NLGN4Y: variants seen among roughly 807,000 people sequenced by gnomAD.
NLGN4Y encodes the protein neuroligin 4 Y-linked.
NLGN4Y carries 4 observed loss-of-function variants against 8.4 expected under a neutral mutation model. The ratio of observed to expected loss-of-function variants is 0.48; its 90% CI spans 0.23 to 1.09. NLGN4Y has a LOEUF of 1.09. Ranked by LOEUF, NLGN4Y falls within the 50% of genes least tolerant of loss-of-function variation. The pLI, the probability that NLGN4Y is intolerant of heterozygous loss-of-function variation, is 0.19. For synonymous variants in NLGN4Y, 35 were observed against 75.6 expected (o/e 0.46, Z 2.78); for missense variants, 90 against 192.3 (o/e 0.47, Z 3.15).
chrY:14,737,497 G>A lies in NLGN4Y; in HGVS notation c.685+14228G>A, dbSNP rs2150561387. ...TTGGTGAGAAAAGAAAATGGTTTAG[G>A]GGTACAAAATGCAGTTAGATAGAAG... On this transcript the variant is annotated intron_variant, in intron 4 of 6. Coordinates refer to ENST00000684976, the MANE Select transcript of NLGN4Y (RefSeq NM_001365588.1). Among the ~76,000 whole-genome samples, 14 of 33,013 alleles carry A rather than the reference G, an allele frequency of 4.2e-4. No individual in the cohort carries two copies. In the South Asian group the frequency reaches 9.4e-3, roughly 22 times the overall value. The allele number at this position is 33,013 out of a possible 37,273, so 88.6% of individuals were successfully genotyped here. A position where few individuals can be genotyped will look rare whatever the true frequency, so the allele number is the denominator to read the frequency against.
At chrY:14,561,596 T>C (rs2080227503) in intron 1 of NLGN4Y, among the ~76,000 whole-genome samples, 1 of 33,265 alleles carries the variant, frequency 3.0e-5, no homozygotes, top group Admixed American at 2.8e-4. Context: ...AGTAATGGGA[T>C]TTCTGGGTCA....
At chrY:14,791,233 C>G in intron 4 of NLGN4Y, among the ~76,000 whole-genome samples, 1 of 33,177 alleles carries the variant, frequency 3.0e-5, no homozygotes, top group Non-Finnish European at 7.4e-5. Flanking sequence ...GATCATTGAG[C>G]TGACCCATGA....
chrY:14,640,287 C>A, intron 2 of NLGN4Y: 1 of 127,722 alleles, frequency 7.8e-6, no homozygotes, highest in African/African-American at 1.0e-4. Context: ...GGAGGTGAAA[C>A]TGCTCCCCAG....
chrY:14,575,102 G>A (rs1022485348), intron 1 of NLGN4Y, among the ~76,000 whole-genome samples: 6 of 32,547 alleles, frequency 1.8e-4, no homozygotes, highest in Admixed American at 5.7e-4. Context: ...TCTTTGTGGC[G>A]TTCTCTGTAT....
chrY:14,559,097 A>G (rs2080218511), intron 1 of NLGN4Y, among the ~76,000 whole-genome samples: 4 of 33,367 alleles, frequency 1.2e-4, no homozygotes, highest in Admixed American at 2.7e-4. Context: ...TTATGCAGAT[A>G]AAGTCTCATA....
intron 1 of NLGN4Y, among the ~76,000 whole-genome samples, chrY:14,607,914 C>T: frequency 5.8e-5 from 2 of 34,349 alleles, no homozygotes; most frequent in African/African-American, 2.3e-4. Flanking sequence ...GATTGCCATT[C>T]TAACTGGGGT....
chrY:14,717,017 A>G, intron 2 of NLGN4Y, among the ~76,000 whole-genome samples: 1 of 33,992 alleles, frequency 2.9e-5, no homozygotes, highest in South Asian at 6.6e-4. Context: ...TGGGACGCCA[A>G]AATGAGTGGA....
chrY:14,636,151 C>G, intron 2 of NLGN4Y, among the ~76,000 whole-genome samples: 1 of 33,595 alleles, frequency 3.0e-5, no homozygotes, highest in African/African-American at 1.2e-4. Flanking sequence ...AAAGTACTCA[C>G]TTTAGTATTT....
intron 1 of NLGN4Y, among the ~76,000 whole-genome samples, chrY:14,579,721 C>CAACA (rs2080309696): frequency 3.1e-5 from 1 of 32,232 alleles, no homozygotes; most frequent in East Asian, 8.2e-4. Context: ...CTAAAAACAA[C>CAACA]AACAAACAAA....
At chrY:14,614,214 G>A (rs1016168615) in intron 1 of NLGN4Y, among the ~76,000 whole-genome samples, 1 of 33,868 alleles carries the variant, frequency 3.0e-5, no homozygotes, top group Non-Finnish European at 7.3e-5. Flanking sequence ...TCATGTGCCT[G>A]TTGCTATATA....
intron 1 of NLGN4Y, among the ~76,000 whole-genome samples, chrY:14,569,929 G>C: frequency 3.0e-5 from 1 of 33,757 alleles, no homozygotes; most frequent in African/African-American, 1.2e-4. Flanking sequence ...CTTATATGTT[G>C]AGAAGTATAT....
chrY:14,792,084 C>T, intron 4 of NLGN4Y, among the ~76,000 whole-genome samples: 6 of 33,617 alleles, frequency 1.8e-4, no homozygotes, highest in African/African-American at 5.8e-4. Flanking sequence ...ATATTTCCAG[C>T]CACAAAATTG....
intron 1 of NLGN4Y, among the ~76,000 whole-genome samples, chrY:14,548,519 A>G: frequency 2.9e-5 from 1 of 34,160 alleles, no homozygotes; most frequent in Non-Finnish European, 7.3e-5. Context: ...AAACTTTCTT[A>G]ACCATTCTAA....
At chrY:14,605,014 CA>C (rs2080442321) in intron 1 of NLGN4Y, among the ~76,000 whole-genome samples, 75 of 32,665 alleles carry the variant, frequency 2.3e-3, no homozygotes, top group African/African-American at 8.7e-3. Flanking sequence ...ATAATTTTAA[CA>C]TTTTTTTTTA....
chrY:14,779,512 A>C (rs1603503927), intron 4 of NLGN4Y, among the ~76,000 whole-genome samples: 1 of 33,075 alleles, frequency 3.0e-5, no homozygotes, highest in South Asian at 6.8e-4. Flanking sequence ...AAGCAGAAGA[A>C]GGCATTCAGC....
chrY:14,575,175 GC>G (rs2080292602), intron 1 of NLGN4Y, among the ~76,000 whole-genome samples: 3 of 33,558 alleles, frequency 8.9e-5, no homozygotes, highest in Non-Finnish European at 2.2e-4. Flanking sequence ...ATAATATCCT[GC>G]AGAGTGTTTT....
At chrY:14,643,189 G>T in intron 2 of NLGN4Y, among the ~76,000 whole-genome samples, 1 of 33,372 alleles carries the variant, frequency 3.0e-5, no homozygotes, top group African/African-American at 1.2e-4. Context: ...GGTCCAGTAG[G>T]CTTAAGCTGG....
At chrY:14,616,253 C>G (rs569267016) in intron 1 of NLGN4Y, among the ~76,000 whole-genome samples, 1 of 33,769 alleles carries the variant, frequency 3.0e-5, no homozygotes, top group African/African-American at 1.1e-4. Context: ...ACAGTATTCT[C>G]TGATGGTAGT....
chrY:14,702,452 G>C, intron 2 of NLGN4Y, among the ~76,000 whole-genome samples: 1 of 31,928 alleles, frequency 3.1e-5, no homozygotes. Flanking sequence ...TGAGAATGAT[G>C]GTTTCCAGCT....
Sources: allele counts gnomAD v4.1 joint callset (sites outside exome capture counted in the v4.1 genomes callset), GRCh38; gene constraint gnomAD v4.1.1; transcripts MANE v1.5; gene names NCBI Gene and HGNC (gene_info 2026-07-23, HGNC 2026-07-21).